Variants in TSPEAR observed in about 807,000 individuals in gnomAD.
TSPEAR encodes thrombospondin type laminin G domain and EAR repeats, also known as thrombospondin-type laminin G domain and EAR repeat-containing protein.
Under a neutral mutation model 71.6 loss-of-function variants are expected in TSPEAR, and 69 were observed. That is an observed-to-expected ratio of 0.96 (90% CI 0.79 to 1.18). The LOEUF is 1.18. Ranked by LOEUF, TSPEAR falls within the 50% of genes most tolerant of loss-of-function variation. The pLI is 0.00. For missense variants in TSPEAR, 971 were observed against 894.9 expected (o/e 1.09, Z -1.09); for synonymous variants, 402 against 387.2 (o/e 1.04, Z -0.45).
chr21:44,533,653 T>C, intron 3 of TSPEAR, 32 bp downstream of exon 3: 1 of 1,560,200 alleles, frequency 6.4e-7, no homozygotes, highest in Non-Finnish European at 8.8e-7. Context: ...CTCTGAGGAC[T>C]GCAGGTGCAC....
intron 1 of TSPEAR, among the ~76,000 whole-genome samples, chr21:44,626,842 G>A (rs1046218759): frequency 6.9e-6 from 1 of 145,822 alleles, no homozygotes; most frequent in Admixed American, 6.8e-5. Flanking sequence ...CCCACCAGAC[G>A]CCCACAGCCG....
At chr21:44,559,350 C>G (rs2053600011) in intron 2 of TSPEAR, among the ~76,000 whole-genome samples, 1 of 152,220 alleles carries the variant, frequency 6.6e-6, no homozygotes, top group Admixed American at 6.5e-5. Context: ...GGAATAGTGT[C>G]TTCCTGGGCA....
intron 1 of TSPEAR, among the ~76,000 whole-genome samples, chr21:44,703,497 G>C (rs1336919699): frequency 6.6e-6 from 1 of 152,230 alleles, no homozygotes; most frequent in African/African-American, 2.4e-5. Context: ...CTTCTGTGCA[G>C]GGCCCTCTGC....
intron 9 of TSPEAR, among the ~76,000 whole-genome samples, chr21:44,515,077 AC>A (rs1256189836): frequency 6.6e-6 from 1 of 152,008 alleles, no homozygotes; most frequent in Non-Finnish European, 1.5e-5. Context: ...TATGGCACAC[AC>A]CCACTTTCAA....
intron 1 of TSPEAR, among the ~76,000 whole-genome samples, chr21:44,629,682 C>T (rs587624204): frequency 1.3e-5 from 2 of 152,298 alleles, no homozygotes; most frequent in South Asian, 2.1e-4. Flanking sequence ...TAAACTGCAG[C>T]GATGGACATT....
At chr21:44,586,324 A>T (rs1555925668) in intron 1 of TSPEAR, among the ~76,000 whole-genome samples, 2 of 152,184 alleles carry the variant, frequency 1.3e-5, no homozygotes, top group African/African-American at 4.8e-5. Context: ...GTCGCAGAAA[A>T]TCCTTACTGA....
chr21:44,607,388 A>G (rs1017468197), intron 1 of TSPEAR, among the ~76,000 whole-genome samples: 1 of 152,218 alleles, frequency 6.6e-6, no homozygotes, highest in African/African-American at 2.4e-5. Flanking sequence ...ATGCATGCAC[A>G]GGTCAAAACG....
chr21:44,554,686 G>A (rs587735395), intron 2 of TSPEAR, among the ~76,000 whole-genome samples: 2 of 152,368 alleles, frequency 1.3e-5, no homozygotes, highest in African/African-American at 4.8e-5. Context: ...TGCTTGAAAT[G>A]TGGCTCATGC....
At chr21:44,566,722 C>T (rs1220007123) in intron 2 of TSPEAR, among the ~76,000 whole-genome samples, 1 of 152,088 alleles carries the variant, frequency 6.6e-6, no homozygotes, top group Admixed American at 6.6e-5. Context: ...TATCTATAGT[C>T]AATTTATTTC....
chr21:44,673,572 CA>C (rs587706038), intron 1 of TSPEAR, among the ~76,000 whole-genome samples: 17 of 152,102 alleles, frequency 1.1e-4, no homozygotes, highest in East Asian at 7.7e-4. Flanking sequence ...TCAACAACAA[CA>C]AAAAAATTGG....
intron 9 of TSPEAR, chr21:44,516,377 G>A (rs1347661080): frequency 1.3e-5 from 2 of 152,404 alleles, no homozygotes; most frequent in African/African-American, 4.8e-5. Flanking sequence ...TAGGGTCTGT[G>A]GCAACTGTCC....
chr21:44,652,373 C>T (rs1984860035), intron 1 of TSPEAR, among the ~76,000 whole-genome samples: 1 of 152,176 alleles, frequency 6.6e-6, no homozygotes. Flanking sequence ...ACGTCTGGAA[C>T]ACTGCGGGGA....
Position 44,498,886 on chromosome 21 carries a change from C to T in TSPEAR, c.*897G>A, listed in dbSNP as rs1015378508. 1 of 152,314 alleles carries T rather than the reference C, an allele frequency of 6.6e-6. No homozygotes were observed. The highest frequency in any genetic ancestry group is 1.5e-5 in the Non-Finnish European group (1 of 68,104). 9.4% of individuals were successfully genotyped at this position (152,314 alleles called of 1,614,324 possible). A position where few individuals can be genotyped will look rare whatever the true frequency, so the allele number is the denominator to read the frequency against. On this transcript the variant is annotated 3_prime_UTR_variant, in exon 12 of 12. Transcript: ENST00000323084. Reference sequence around the variant, plus strand: ...CCCTGGGGCCTTGCGCCCATCACCCCCTCTCATCCTCACTGCCTGTGACGG... The same window carrying T: ...CCCTGGGGCCTTGCGCCCATCACCCTCTCTCATCCTCACTGCCTGTGACGG...
At chr21:44,580,604 G>A in intron 1 of TSPEAR, 29 of 1,590,270 alleles carry the variant, frequency 1.8e-5, no homozygotes, top group Non-Finnish European at 2.5e-5. Flanking sequence ...ACGTGAGCTG[G>A]GAGCTGGGGG....
At chr21:44,549,349 C>T (rs2053359494) in intron 2 of TSPEAR, among the ~76,000 whole-genome samples, 1 of 152,130 alleles carries the variant, frequency 6.6e-6, no homozygotes, top group African/African-American at 2.4e-5. Context: ...AGAAACCTTG[C>T]CATATCTCAC....
chr21:44,523,967 T>C (rs1193966711), intron 8 of TSPEAR, among the ~76,000 whole-genome samples: 1 of 151,578 alleles, frequency 6.6e-6, no homozygotes, highest in Non-Finnish European at 1.5e-5. Context: ...AGTTCAGTAG[T>C]TAGTCAGGTA....
At chr21:44,621,566 C>T (rs1451873207) in intron 1 of TSPEAR, among the ~76,000 whole-genome samples, 1 of 152,182 alleles carries the variant, frequency 6.6e-6, no homozygotes, top group Non-Finnish European at 1.5e-5. Context: ...TCCACGTGGC[C>T]CCCTGGGCAG....
intron 1 of TSPEAR, among the ~76,000 whole-genome samples, chr21:44,681,288 T>TC (rs1471910391): frequency 2.0e-5 from 3 of 152,176 alleles, no homozygotes; most frequent in African/African-American, 4.8e-5. Flanking sequence ...GCTTTGGCCA[T>TC]CAATGCAGGG....
In TSPEAR at chr21:44,567,920, T is replaced by C. The variant is rs1555921956; in HGVS notation, c.168A>G (p.Ala56=). 2 of 1,605,920 alleles carry C rather than the reference T, an allele frequency of 1.2e-6. No homozygotes were observed. The highest frequency in any genetic ancestry group is 1.7e-5 in the Admixed American group (1 of 59,216). The stretch of plus-strand genomic sequence containing the variant: ...CGGCTACTGAGAGCTGGAGTCCCCG[T>C]GCACCGTGAACCTGAACTATCCTGA... The part of the protein sequence containing the change: ...SGIRIVQVHG[A]RGLQLSVAAP... Residue 56 remains alanine, a synonymous_variant, in exon 2 of 12, where the codon GCA becomes GCG. Coordinates refer to ENST00000323084, the MANE Select transcript of TSPEAR (RefSeq NM_144991.3).
Sources: gnomAD v4.1 joint callset for allele counts (sites outside exome capture counted in the v4.1 genomes callset) on GRCh38, gnomAD v4.1.1 for gene constraint, MANE v1.5 for transcripts, NCBI Gene and HGNC (gene_info 2026-07-23, HGNC 2026-07-21) for gene names.